ANGPT4: variants seen among roughly 807,000 people sequenced by gnomAD.
The protein encoded by ANGPT4 is angiopoietin-4.
In ANGPT4, 50 loss-of-function variants were observed where a neutral mutation model predicts 53.0. That is an observed-to-expected ratio of 0.94 (90% CI 0.75 to 1.20). The LOEUF (loss-of-function observed/expected upper bound fraction) is 1.20. ANGPT4 is among the 50% of genes most tolerant of loss of function. The pLI, the probability that ANGPT4 is intolerant of heterozygous loss-of-function variation, is 0.00. For synonymous variants in ANGPT4, 251 were observed against 259.7 expected, an observed-to-expected ratio of 0.97 and a Z score of 0.32; for missense variants, 648 against 637.1, an observed-to-expected ratio of 1.02 and a Z score of -0.18.
intron 2 of ANGPT4, among the ~76,000 whole-genome samples, chr20:888,643 A>G (rs1350526280): frequency 6.6e-6 from 1 of 152,112 alleles, no homozygotes; most frequent in Admixed American, 6.5e-5. Flanking sequence ...CATCACTGCA[A>G]TGGCAGCTCC....
chr20:913,543 G>A (rs1568863979), intron 1 of ANGPT4, among the ~76,000 whole-genome samples: 1 of 152,160 alleles, frequency 6.6e-6, no homozygotes, highest in Non-Finnish European at 1.5e-5. Flanking sequence ...GCCTGGAGAG[G>A]ACATTCCACC....
chr20:908,715 G>A lies in ANGPT4; in HGVS notation c.309+7191C>T, dbSNP rs1982578854. On this transcript the variant is annotated intron_variant, in intron 1 of 8. Coordinates refer to ENST00000381922, the MANE Select transcript of ANGPT4 (RefSeq NM_015985.4). The surrounding 1 kb of genome is among the most constrained non-coding windows in gnomAD (Gnocchi z 4.9). ...GGAAGGGACAATTAAATGAATGCAGGAATGAATATTCTTACCTGACAAACT... is the reference window on the plus strand; with the variant it reads ...GGAAGGGACAATTAAATGAATGCAGAAATGAATATTCTTACCTGACAAACT... Among the ~76,000 whole-genome samples, 1 of 151,222 alleles carries A rather than the reference G, an allele frequency of 6.6e-6. No individual in the cohort carries two copies. The highest frequency in any genetic ancestry group is 2.4e-5 in the African/African-American group (1 of 41,158).
chr20:911,766 G>A lies in ANGPT4; in HGVS notation c.309+4140C>T, dbSNP rs1982708700. Among the ~76,000 whole-genome samples, 1 of 152,088 alleles carries A rather than the reference G, an allele frequency of 6.6e-6. No homozygotes were observed. Among genetic ancestry groups the A allele is most frequent in the Admixed American group, 6.5e-5 (1 of 15,276 alleles). Reference sequence around the variant, plus strand: ...GGAGTTCAAGGCTGCAGTGAGCTGTGATTGCACCATTGCACCCCAGTGTGG... The same window carrying A: ...GGAGTTCAAGGCTGCAGTGAGCTGTAATTGCACCATTGCACCCCAGTGTGG... On this transcript the variant is annotated intron_variant, in intron 1 of 8. Transcript: ENST00000381922. This position sits in a 1 kb window ranked among gnomAD's most constrained non-coding sequence, Gnocchi z 4.9.
chr20:905,255 A>G (rs770497679), intron 1 of ANGPT4, among the ~76,000 whole-genome samples: 10 of 152,082 alleles, frequency 6.6e-5, no homozygotes, highest in Admixed American at 2.6e-4. Context: ...CATTTGTCCA[A>G]TTCCCCCACG....
rs1981250723 is a variant in ANGPT4 at position 878,251 on chromosome 20, G to C, written c.1130C>G (p.Ser377Cys). The C allele has an allele frequency of 6.2e-7, 1 of 1,613,446 alleles. No homozygotes were observed. The highest frequency in any genetic ancestry group is 8.5e-7 in the Non-Finnish European group (1 of 1,179,374). The change falls in exon 7 of 9, where the codon TCT (serine) becomes TGT (cysteine). Residue 377 changes from serine (S) to cysteine (C), a missense_variant. By Grantham distance (112) the Ser-to-Cys change is moderately radical. Transcript: ENST00000381922. ...VHQLTRRAAY[S>C]LRVELQDWEG... is the part of the protein sequence containing the mutation. The stretch of plus-strand genomic sequence containing the variant: ...CCAGTCTTGCAGCTCCACACGCAGA[G>C]AGTAGGCTGCCCTTCTGGTGAGCTG...
At chr20:884,955 G>C (rs1198647192) in intron 4 of ANGPT4, 123 bp downstream of exon 4, 9 of 1,323,446 alleles carry the variant, frequency 6.8e-6, no homozygotes, top group African/African-American at 1.5e-5. Context: ...TTTCACAGAT[G>C]GTCGGGGAGG....
intron 5 of ANGPT4, 140 bp downstream of exon 5, chr20:881,031 G>A: frequency 1.6e-6 from 1 of 622,850 alleles, no homozygotes; most frequent in East Asian, 3.0e-5. Context: ...CCTGACTGCT[G>A]GGAAGTCAAA....
At position 888,307 on chromosome 20, in the gene ANGPT4, G is replaced by T. The variant is rs747021630; in HGVS notation, c.587+11C>A. ...CCCCTGTCCTAGTCTGGTGCCAGGT[G>T]CCACACCCACCTGTTTTGGCCCTGA... On this transcript the variant is annotated intron_variant, in intron 3 of 8. Coordinates refer to ENST00000381922, the MANE Select transcript of ANGPT4 (RefSeq NM_015985.4). The T allele has an allele frequency of 1.5e-5, 24 of 1,611,164 alleles. No individual in the cohort carries two copies. The highest frequency in any genetic ancestry group is 2.0e-5 in the Non-Finnish European group (24 of 1,178,990).
rs74695273 is a variant in ANGPT4 at position 914,271 on chromosome 20, A to C, written c.309+1635T>G. Among the ~76,000 whole-genome samples the C allele has an allele frequency of 3.3e-5, 5 of 152,124 alleles. No individual in the cohort carries two copies. Among genetic ancestry groups the C allele is most frequent in the African/African-American group, 1.2e-4 (5 of 41,410 alleles). On this transcript the variant is annotated intron_variant, in intron 1 of 8. Transcript: ENST00000381922. This position sits in a 1 kb window ranked among gnomAD's most constrained non-coding sequence, Gnocchi z 5.0. Reference sequence around the variant, plus strand: ...TAGGGATAAGTTCTAAGAAAAAAAAACACAACAAAGCCAGCAGAGGGACAA... The same window carrying C: ...TAGGGATAAGTTCTAAGAAAAAAAACCACAACAAAGCCAGCAGAGGGACAA...
Position 915,896 on chromosome 20 carries a change from T to G in ANGPT4, c.309+10A>C. 4.5e-6 allele frequency: 7 copies of G among 1,551,500 alleles called. No homozygotes were observed. The highest frequency in any genetic ancestry group is 6.1e-6 in the Non-Finnish European group (7 of 1,145,718). ...CCCTCTGCCCCCTGCAAACCTCCCA[T>G]GCCCCGTACCTTCTTCAGCCACTGC... On this transcript the variant is annotated intron_variant, in intron 1 of 8. Transcript: ENST00000381922.
At chr20:915,755 G>A (rs1982903610) in intron 1 of ANGPT4, 151 bp downstream of exon 1, 16 of 947,076 alleles carry the variant, frequency 1.7e-5, no homozygotes, top group Middle Eastern at 3.5e-4. Context: ...ATCTTGCTGT[G>A]TGGCCTCAGA....
chr20:893,411 A>G (rs1191016646), intron 1 of ANGPT4, among the ~76,000 whole-genome samples: 1 of 152,152 alleles, frequency 6.6e-6, no homozygotes, highest in East Asian at 1.9e-4. Context: ...TTTGCTTATG[A>G]TTTCCATATT....
chr20:902,446 G>C (rs113581666), intron 1 of ANGPT4, among the ~76,000 whole-genome samples: 1 of 152,120 alleles, frequency 6.6e-6, no homozygotes, highest in African/African-American at 2.4e-5. Flanking sequence ...AGCAGGGCCT[G>C]CAGCTTTGTC....
In ANGPT4 at chr20:914,467, G is replaced by T. The variant is rs1042545987; in HGVS notation, c.309+1439C>A. ...TTCGGATGCATGGTTAGCCCTGGGAGGAGGGAGAGGATGTAACTTAGGTTT... is the reference window on the plus strand; with the variant it reads ...TTCGGATGCATGGTTAGCCCTGGGATGAGGGAGAGGATGTAACTTAGGTTT... On this transcript the variant is annotated intron_variant, in intron 1 of 8. Coordinates refer to ENST00000381922, the MANE Select transcript of ANGPT4 (RefSeq NM_015985.4). The surrounding 1 kb of genome is among the most constrained non-coding windows in gnomAD (Gnocchi z 5.0). Among the ~76,000 whole-genome samples, 1 of 152,046 alleles carries T rather than the reference G, an allele frequency of 6.6e-6. No individual in the cohort carries two copies. Among genetic ancestry groups the T allele is most frequent in the African/African-American group, 2.4e-5 (1 of 41,374 alleles).
At position 878,138 on chromosome 20, in the gene ANGPT4, A is replaced by G. The variant is rs1406260869; in HGVS notation, c.1220+23T>C. 3.2e-6 allele frequency: 5 copies of G among 1,573,480 alleles called. No homozygotes were observed. In the Admixed American group the frequency reaches 6.8e-5, roughly 21 times the overall value. The stretch of plus-strand genomic sequence containing the variant: ...ACTAGCTGAAGACCCCAGCCCCCAC[A>G]ACGGCCTGGGCCCCGAACCCACCTG... On this transcript the variant is annotated intron_variant, in intron 7 of 8. Coordinates refer to ENST00000381922, the MANE Select transcript of ANGPT4 (RefSeq NM_015985.4).
At position 872,418 on chromosome 20, in the gene ANGPT4, G is replaced by C. The variant is rs886632126; in HGVS notation, c.*542C>G. The C allele has an allele frequency of 6.5e-6, 1 of 153,536 alleles. No homozygotes were observed. Among genetic ancestry groups the C allele is most frequent in the Non-Finnish European group, 1.4e-5 (1 of 69,000 alleles). The allele number at this position is 153,536 out of a possible 1,614,324, so 9.5% of individuals were successfully genotyped here. A position where few individuals can be genotyped will look rare whatever the true frequency, so the allele number is the denominator to read the frequency against. ...GTCATTAGAACCTAGAAGTGGTGAA[G>C]TGTGAAGGGGAAATAATGATTAACC... On this transcript the variant is annotated 3_prime_UTR_variant, in exon 9 of 9. Coordinates refer to ENST00000381922, the MANE Select transcript of ANGPT4 (RefSeq NM_015985.4).
intron 1 of ANGPT4, among the ~76,000 whole-genome samples, chr20:901,056 G>A (rs938570600): frequency 1.3e-5 from 2 of 152,020 alleles, no homozygotes; most frequent in South Asian, 2.1e-4. Context: ...TCTAGGTTCC[G>A]ACATTGCTCC....
chr20:897,877 T>C (rs1982118040), intron 1 of ANGPT4, among the ~76,000 whole-genome samples: 1 of 152,216 alleles, frequency 6.6e-6, no homozygotes, highest in African/African-American at 2.4e-5. Flanking sequence ...CCTTATTTTC[T>C]TCTGCAATAC....
Position 878,048 on chromosome 20 carries a change from G to C in ANGPT4, c.1220+113C>G, listed in dbSNP as rs1432032431. ...TGGGGGACAGATGGTAGGAACAGGA[G>C]ACACCCAGAGACTGACCGTTGGAGC... On this transcript the variant is annotated intron_variant, in intron 7 of 8. Coordinates refer to ENST00000381922, the MANE Select transcript of ANGPT4 (RefSeq NM_015985.4). 27 of 1,208,490 alleles carry C rather than the reference G, an allele frequency of 2.2e-5. No homozygotes were observed. The Admixed American group carries it at 2.7e-4, about 12-fold the overall frequency. 74.9% of individuals were successfully genotyped at this position (1,208,490 alleles called of 1,614,324 possible). A position where few individuals can be genotyped will look rare whatever the true frequency, so the allele number is the denominator to read the frequency against.
Sources: gnomAD v4.1 joint callset for allele counts (sites outside exome capture counted in the v4.1 genomes callset) on GRCh38, gnomAD v4.1.1 for gene constraint, Gnocchi (gnomAD v3.1) non-coding constraint, MANE v1.5 for transcripts, NCBI Gene and HGNC (gene_info 2026-07-23, HGNC 2026-07-21) for gene names.